Variants in PKP4 observed in about 807,000 individuals in gnomAD.
PKP4 encodes plakophilin 4, also known as plakophilin-4.
A neutral mutation model predicts 145.1 loss-of-function variants in PKP4; 90 were observed. That is an observed-to-expected ratio of 0.62 (90% confidence interval 0.52 to 0.74). The LOEUF (loss-of-function observed/expected upper bound fraction) is 0.74. Among genes scored for constraint, PKP4 ranks in the 30% least tolerant of loss-of-function variants. The pLI is 0.00. For synonymous variants in PKP4, 563 were observed against 577.2 expected, an observed-to-expected ratio of 0.98 and a Z score of 0.35; for missense variants, 1,340 against 1,482.7, an observed-to-expected ratio of 0.90 and a Z score of 1.58.
chr2:158,508,034 T>G (rs533969459), intron 1 of PKP4, among the ~76,000 whole-genome samples: 31 of 152,056 alleles, frequency 2.0e-4, no homozygotes, highest in African/African-American at 7.2e-4. Flanking sequence ...GACCATTTCA[T>G]CCCTTAGACA....
chr2:158,464,982 AT>A (rs1690370238), intron 1 of PKP4, among the ~76,000 whole-genome samples: 1 of 152,196 alleles, frequency 6.6e-6, no homozygotes, highest in South Asian at 2.1e-4. Flanking sequence ...TTTAACCAAC[AT>A]TTTTTAGTCC....
At chr2:158,648,984 ACT>A (rs1172153026) in intron 11 of PKP4, among the ~76,000 whole-genome samples, 2 of 152,120 alleles carry the variant, frequency 1.3e-5, no homozygotes, top group Non-Finnish European at 2.9e-5. Flanking sequence ...GGCGACAGAG[ACT>A]CTGTCTCAAA....
chr2:158,492,323 C>T (rs891433478), intron 1 of PKP4, among the ~76,000 whole-genome samples: 9 of 152,116 alleles, frequency 5.9e-5, no homozygotes, highest in African/African-American at 7.2e-5. Flanking sequence ...AAATAAGAAA[C>T]CGAAAAAGCA....
intron 1 of PKP4, among the ~76,000 whole-genome samples, chr2:158,475,056 A>C (rs1692234930): frequency 6.6e-6 from 1 of 152,204 alleles, no homozygotes; most frequent in Admixed American, 6.5e-5. Context: ...TTATACTGAG[A>C]TATCAGCTCT....
At chr2:158,636,678 T>G (rs750042962) in intron 9 of PKP4, among the ~76,000 whole-genome samples, 1 of 152,166 alleles carries the variant, frequency 6.6e-6, no homozygotes, top group Non-Finnish European at 1.5e-5. Flanking sequence ...TTTTGCAGAT[T>G]ACTGAATCTG....
At chr2:158,489,533 C>T (rs1322054223) in intron 1 of PKP4, among the ~76,000 whole-genome samples, 1 of 152,182 alleles carries the variant, frequency 6.6e-6, no homozygotes, top group Non-Finnish European at 1.5e-5. Flanking sequence ...TCGCAGCACT[C>T]AGAATGCTGA....
chr2:158,551,644 G>C lies in PKP4; in HGVS notation c.132+18328G>C, dbSNP rs549938520. 2.0e-5 allele frequency among the ~76,000 whole-genome samples: 3 copies of C among 152,254 alleles called. No homozygotes were observed. The South Asian group carries it at 6.2e-4, about 32-fold the overall frequency. On this transcript the variant is annotated intron_variant, in intron 2 of 21. Coordinates refer to ENST00000389759, the MANE Select transcript of PKP4 (RefSeq NM_003628.6). ...TTCTAAAATATTTTTACTTTATGCA[G>C]AAGTATTTTTTAAATCTTTGCAACT...
chr2:158,558,572 C>T (rs1053945474), intron 2 of PKP4, among the ~76,000 whole-genome samples: 4 of 151,868 alleles, frequency 2.6e-5, no homozygotes, highest in Non-Finnish European at 4.4e-5. Flanking sequence ...TGGTTAGTAA[C>T]CTTGGAGAGA....
At chr2:158,676,617 G>A in intron 19 of PKP4, 122 bp from the exon 20 acceptor site, 1 of 1,179,830 alleles carries the variant, frequency 8.5e-7, no homozygotes, top group Non-Finnish European at 1.2e-6. Context: ...GATATTTTCA[G>A]CACCAGCTGT....
intron 1 of PKP4, among the ~76,000 whole-genome samples, chr2:158,515,563 A>G (rs556697846): frequency 6.6e-6 from 1 of 152,306 alleles, no homozygotes; most frequent in Admixed American, 6.5e-5. Flanking sequence ...ATTTTTCTGT[A>G]CCATTTCTTA....
chr2:158,586,943 G>A (rs1223632889), intron 3 of PKP4, among the ~76,000 whole-genome samples: 1 of 152,184 alleles, frequency 6.6e-6, no homozygotes, highest in Admixed American at 6.5e-5. Flanking sequence ...GTAAGCTAAC[G>A]TATTTTAAGC....
At chr2:158,556,045 TAG>T (rs2046062252) in intron 2 of PKP4, among the ~76,000 whole-genome samples, 1 of 152,218 alleles carries the variant, frequency 6.6e-6, no homozygotes, top group Admixed American at 6.5e-5. Flanking sequence ...ATTTATGAAT[TAG>T]AGCCAAGATT....
At chr2:158,460,688 T>G (rs1689629246) in intron 1 of PKP4, among the ~76,000 whole-genome samples, 1 of 152,220 alleles carries the variant, frequency 6.6e-6, no homozygotes, top group Admixed American at 6.5e-5. Context: ...ATATCTTCAT[T>G]CTTAAATGGA....
chr2:158,529,471 A>G (rs2043315649), intron 1 of PKP4, among the ~76,000 whole-genome samples: 1 of 152,220 alleles, frequency 6.6e-6, no homozygotes, highest in African/African-American at 2.4e-5. Context: ...CCTGGAAATA[A>G]TGACTGGATC....
intron 1 of PKP4, among the ~76,000 whole-genome samples, chr2:158,483,644 AT>A (rs1019437763): frequency 6.6e-5 from 10 of 150,842 alleles, no homozygotes; most frequent in South Asian, 2.1e-4. Context: ...CATTGTAGTG[AT>A]TTTTTTTTAA....
intron 2 of PKP4, among the ~76,000 whole-genome samples, chr2:158,560,164 G>T (rs2046398802): frequency 6.6e-6 from 1 of 152,140 alleles, no homozygotes; most frequent in African/African-American, 2.4e-5. Context: ...ACCGTGCCTG[G>T]CTGGCATTGA....
chr2:158,496,759 CGTGTGTGTGTGTGTGTGTGT>C (rs58108158), intron 1 of PKP4, among the ~76,000 whole-genome samples: 1 of 144,856 alleles, frequency 6.9e-6, no homozygotes, highest in African/African-American at 2.5e-5. Flanking sequence ...CTTCTCTCTC[CGTGTGTGTGTGTGTGTGTGT>C]GTGTGTGTGT....
intron 19 of PKP4, among the ~76,000 whole-genome samples, chr2:158,674,535 C>T (rs1326221830): frequency 6.6e-6 from 1 of 152,178 alleles, no homozygotes; most frequent in Non-Finnish European, 1.5e-5. Flanking sequence ...TCTGCAGACC[C>T]CCAGCATCTG....
Position 158,676,846 on chromosome 2 carries a change from A to T in PKP4, c.3235A>T (p.Thr1079Ser), listed in dbSNP as rs142210370. ...GTATTACAATAGCCAAGGGGATGCC[A>T]CACATAAAGGCCTGTACCCTGGTAA... is the stretch of plus-strand genomic sequence containing the variant. ...MQYYNSQGDATHKGLYPGSSK... is the reference protein window; with the variant it reads ...MQYYNSQGDASHKGLYPGSSK... The change falls in exon 20 of 22, where the codon ACA becomes TCA. Residue 1079 changes from threonine to serine, a missense_variant. Physicochemically the swap from Thr to Ser is moderately conservative, Grantham distance 58 (BLOSUM62 1). Transcript: ENST00000389759. 5.0e-6 allele frequency: 8 copies of T among 1,614,120 alleles called. No individual in the cohort carries two copies. Among genetic ancestry groups the T allele is most frequent in the Non-Finnish European group, 6.8e-6 (8 of 1,180,026 alleles).
Sources: gnomAD v4.1 joint callset for allele counts (sites outside exome capture counted in the v4.1 genomes callset) on GRCh38, gnomAD v4.1.1 for gene constraint, MANE v1.5 for transcripts, NCBI Gene and HGNC (gene_info 2026-07-23, HGNC 2026-07-21) for gene names.